Variants in OPRD1 observed in about 807,000 individuals in gnomAD.
OPRD1 encodes the protein opioid receptor delta 1.
A neutral mutation model predicts 17.5 loss-of-function variants in OPRD1; 19 were observed. The observed-to-expected ratio is 1.09, with a 90% CI of 0.76 to 1.60. OPRD1 has a LOEUF of 1.60. Among genes scored for constraint, OPRD1 ranks in the 40% most tolerant of loss-of-function variants. The pLI is 0.00. For synonymous variants in OPRD1, 256 were observed against 240.9 expected, an observed-to-expected ratio of 1.06 and a Z score of -0.58; for missense variants, 483 against 547.2, an observed-to-expected ratio of 0.88 and a Z score of 1.17.
chr1:28,854,133 G>A (rs1355545912), intron 1 of OPRD1, among the ~76,000 whole-genome samples: 1 of 152,118 alleles, frequency 6.6e-6, no homozygotes, highest in African/African-American at 2.4e-5. Context: ...GGGAGAGAGG[G>A]CGTGCTACAC....
Position 28,863,206 on chromosome 1 carries a change from G to A in OPRD1, c.1042G>A (p.Ala348Thr), listed in dbSNP as rs1257253956. ...CCCAGACCCCAGCAGCTTCAGCCGC[G>A]CCCGCGAAGCCACGGCCCGCGAGCG... ...GRPDPSSFSR[A>T]REATARERVT... Residue 348 changes from alanine to threonine, a missense_variant, in exon 3 of 3, where the codon GCC becomes ACC. Coordinates refer to ENST00000234961, the MANE Select transcript of OPRD1 (RefSeq NM_000911.4). 6.3e-7 allele frequency: 1 copy of A among 1,583,462 alleles called. No homozygotes were observed. Among genetic ancestry groups the A allele is most frequent in the Non-Finnish European group, 8.5e-7 (1 of 1,171,640 alleles).
intron 1 of OPRD1, among the ~76,000 whole-genome samples, chr1:28,851,246 T>G (rs985949191): frequency 6.6e-6 from 1 of 151,952 alleles, no homozygotes; most frequent in Admixed American, 6.6e-5. Flanking sequence ...ATCAGAATGG[T>G]TTTAGATGCT....
At chr1:28,855,515 A>G (rs1400729267) in intron 1 of OPRD1, among the ~76,000 whole-genome samples, 5 of 151,848 alleles carry the variant, frequency 3.3e-5, no homozygotes, top group African/African-American at 4.8e-5. Context: ...AAGGGAGTCT[A>G]CGGTGGCCAG....
At chr1:28,859,660 G>A (rs1350827514) in intron 2 of OPRD1, among the ~76,000 whole-genome samples, 2 of 152,218 alleles carry the variant, frequency 1.3e-5, no homozygotes, top group South Asian at 2.1e-4. Context: ...ATGTGTGGAT[G>A]TATAGAGAGA....
intron 1 of OPRD1, among the ~76,000 whole-genome samples, chr1:28,849,219 A>G (rs1229817598): frequency 6.6e-6 from 1 of 152,022 alleles, no homozygotes; most frequent in Non-Finnish European, 1.5e-5. Flanking sequence ...TCTGAGCAAC[A>G]TAGTGAGACC....
intron 1 of OPRD1, 139 bp from the exon 2 acceptor site, chr1:28,858,815 G>T: frequency 3.8e-6 from 3 of 799,456 alleles, no homozygotes; most frequent in Non-Finnish European, 6.1e-6. Context: ...AAAAGTGCTG[G>T]GATTACAGTT....
At chr1:28,823,516 C>T (rs1327094014) in intron 1 of OPRD1, among the ~76,000 whole-genome samples, 2 of 152,080 alleles carry the variant, frequency 1.3e-5, no homozygotes, top group East Asian at 3.9e-4. Context: ...CCTGCCTCAG[C>T]CTCCTGAGTA....
At chr1:28,849,043 A>G (rs2088977044) in intron 1 of OPRD1, among the ~76,000 whole-genome samples, 1 of 152,118 alleles carries the variant, frequency 6.6e-6, no homozygotes, top group Non-Finnish European at 1.5e-5. Context: ...AGAAGTTAAC[A>G]TGGAGGAAGT....
At chr1:28,849,557 C>T (rs2088981496) in intron 1 of OPRD1, among the ~76,000 whole-genome samples, 2 of 152,326 alleles carry the variant, frequency 1.3e-5, no homozygotes, top group Middle Eastern at 3.4e-3. Flanking sequence ...CCCACGCACA[C>T]GTGCACACGC....
rs547724275 is a variant in OPRD1 at position 28,836,060 on chromosome 1, T to A, written c.228-22894T>A. On this transcript the variant is annotated intron_variant, in intron 1 of 2. Transcript: ENST00000234961. ...CTCCTTCTAGGCTAACATTCTATAT[T>A]CTTGATGGAAAAAAGGCCTTCTGTT... Among the ~76,000 whole-genome samples the A allele has an allele frequency of 1.3e-3, 191 of 152,242 alleles. 1 individual carries two copies. Among genetic ancestry groups the A allele is most frequent in the Non-Finnish European group, 2.0e-3 (136 of 68,012 alleles).
chr1:28,862,894 C>G lies in OPRD1; in HGVS notation c.730C>G (p.Arg244Gly), dbSNP rs2089136132. 6.2e-7 allele frequency: 1 copy of G among 1,612,334 alleles called. No individual in the cohort carries two copies. The highest frequency in any genetic ancestry group is 1.3e-5 in the African/African-American group (1 of 74,956). The stretch of plus-strand genomic sequence containing the variant: ...CATGCTGCTGCGCCTGCGCAGTGTG[C>G]GCCTGCTGTCGGGCTCCAAGGAGAA... Reference protein sequence around the residue: ...GLMLLRLRSVRLLSGSKEKDR... With the variant: ...GLMLLRLRSVGLLSGSKEKDR... Residue 244 changes from arginine to glycine, a missense_variant, in exon 3 of 3, where the codon CGC becomes GGC. Physicochemically the swap from Arg to Gly is moderately radical, Grantham distance 125. Transcript: ENST00000234961.
chr1:28,834,187 C>T (rs1445033540), intron 1 of OPRD1, among the ~76,000 whole-genome samples: 1 of 152,052 alleles, frequency 6.6e-6, no homozygotes, highest in African/African-American at 2.4e-5. Flanking sequence ...GCTGGGATTA[C>T]AGGCGTGAGC....
At chr1:28,822,522 A>G (rs1315936050) in intron 1 of OPRD1, among the ~76,000 whole-genome samples, 1 of 151,416 alleles carries the variant, frequency 6.6e-6, no homozygotes, top group Non-Finnish European at 1.5e-5. Context: ...ATTCTGTTGC[A>G]CAGGTTGGAG....
chr1:28,850,357 C>T (rs1186397058), intron 1 of OPRD1, among the ~76,000 whole-genome samples: 1 of 151,020 alleles, frequency 6.6e-6, no homozygotes, highest in Non-Finnish European at 1.5e-5. Context: ...GAGTTTCACT[C>T]TTGTTGCCCA....
chr1:28,815,729 C>G (rs988516148), intron 1 of OPRD1, among the ~76,000 whole-genome samples: 8 of 152,210 alleles, frequency 5.3e-5, no homozygotes, highest in Non-Finnish European at 1.2e-4. Context: ...CCTGCCACAA[C>G]CAGTACATGA....
intron 1 of OPRD1, among the ~76,000 whole-genome samples, chr1:28,815,288 CAG>C (rs1455429538): frequency 6.6e-6 from 1 of 152,124 alleles, no homozygotes; most frequent in African/African-American, 2.4e-5. Flanking sequence ...GTTTTTTTTG[CAG>C]AGACAGGGTT....
chr1:28,844,164 GT>G (rs60241573), intron 1 of OPRD1, among the ~76,000 whole-genome samples: 58,978 of 137,706 alleles, frequency 0.43, 12,500 homozygotes, highest in East Asian at 0.83. Flanking sequence ...CTTGATTTCT[GT>G]TTTTTTTTTT....
intron 1 of OPRD1, among the ~76,000 whole-genome samples, chr1:28,832,512 G>C (rs1212339861): frequency 4.6e-5 from 7 of 152,132 alleles, no homozygotes; most frequent in Non-Finnish European, 1.0e-4. Flanking sequence ...AACTTCTTGG[G>C]AGGCTGAGGT....
rs1187092625 is a variant in OPRD1 at position 28,868,973 on chromosome 1, G to A, written c.*5690G>A. On this transcript the variant is annotated 3_prime_UTR_variant, in exon 3 of 3. Transcript: ENST00000234961. ...CTGTCCAAAGGCCAGCCCTCTCTTT[G>A]TGTCAGCCGCAGATCCCTCACCTAG... 6.6e-6 allele frequency: 1 copy of A among 152,110 alleles called. No individual in the cohort carries two copies. Among genetic ancestry groups the A allele is most frequent in the East Asian group, 1.9e-4 (1 of 5,186 alleles). The allele number at this position is 152,110 out of a possible 1,614,324, so 9.4% of individuals were successfully genotyped here.
Sources: allele counts gnomAD v4.1 joint callset (sites outside exome capture counted in the v4.1 genomes callset), GRCh38; gene constraint gnomAD v4.1.1; transcripts MANE v1.5; gene names NCBI Gene and HGNC (gene_info 2026-07-23, HGNC 2026-07-21).